Variants in CCDC57 observed in about 807,000 individuals in gnomAD.
CCDC57 encodes the protein coiled-coil domain containing 57.
A neutral mutation model predicts 118.9 loss-of-function variants in CCDC57; 118 were observed. The ratio of observed to expected loss-of-function variants is 0.99; its 90% CI spans 0.86 to 1.16. CCDC57 has a LOEUF of 1.16. CCDC57 is among the 50% of genes most tolerant of loss of function. The pLI is 0.00. For synonymous variants in CCDC57, 527 were observed against 532.9 expected (o/e 0.99, Z 0.15); for missense variants, 1,300 against 1,320.7 (o/e 0.98, Z 0.24).
intron 16 of CCDC57, among the ~76,000 whole-genome samples, chr17:82,151,050 C>T (rs1598946121): frequency 8.9e-6 from 1 of 112,626 alleles, no homozygotes. Flanking sequence ...CACCCAGAAC[C>T]TGACCCGCAC....
At chr17:82,113,747 A>G (rs754186744) in intron 19 of CCDC57, 22 of 688,986 alleles carry the variant, frequency 3.2e-5, no homozygotes, top group Non-Finnish European at 5.6e-5. Context: ...AGCCTGGGTG[A>G]CATAGTGAGA....
chr17:82,151,866 T>G (rs1196850386), intron 15 of CCDC57, 93 bp from the exon 15 acceptor site: 2 of 1,099,908 alleles, frequency 1.8e-6, no homozygotes. Context: ...TCACCTGCTC[T>G]TCCAGGGTGG....
In CCDC57 at chr17:82,202,691, A is replaced by G. The variant is rs561467205; in HGVS notation, c.-8-739T>C. Among the ~76,000 whole-genome samples, 106 of 152,292 alleles carry G rather than the reference A, an allele frequency of 7.0e-4. 1 individual carries two copies. In the South Asian group the frequency reaches 0.012, roughly 18 times the overall value. On this transcript the variant is annotated intron_variant, in intron 2 of 19. Transcript: ENST00000665763. ...CTTGAACCCAGGAAGTGGAGGTTGC[A>G]GTGAGCAGAGATCGCACCATTGCAC...
intron 19 of CCDC57, among the ~76,000 whole-genome samples, chr17:82,102,068 C>T (rs1194959210): frequency 3.9e-5 from 6 of 152,232 alleles, no homozygotes; most frequent in Non-Finnish European, 7.3e-5. Context: ...TCGCCTTGCT[C>T]AGTGGGTCCT....
chr17:82,152,657 C>G (rs950131843), intron 15 of CCDC57, among the ~76,000 whole-genome samples: 3 of 152,246 alleles, frequency 2.0e-5, no homozygotes, highest in Non-Finnish European at 2.9e-5. Context: ...CGACGACCTA[C>G]TTCTCCCGTG....
chr17:82,206,437 C>T (rs530585920), intron 2 of CCDC57, among the ~76,000 whole-genome samples: 181 of 151,750 alleles, frequency 1.2e-3, no homozygotes, highest in East Asian at 4.5e-3. Flanking sequence ...CATTGTAGGT[C>T]ATAAGATCCT....
intron 16 of CCDC57, among the ~76,000 whole-genome samples, chr17:82,139,888 C>A (rs1267364268): frequency 6.6e-6 from 1 of 152,140 alleles, no homozygotes; most frequent in Non-Finnish European, 1.5e-5. Flanking sequence ...CAAGAACGGA[C>A]CTCACAGGAG....
rs970947610 is a variant in CCDC57 at position 82,172,372 on chromosome 17, A to C, written c.1729+266T>G. 6.6e-6 allele frequency among the ~76,000 whole-genome samples: 1 copy of C among 152,210 alleles called. No individual in the cohort carries two copies. The highest frequency in any genetic ancestry group is 6.5e-5 in the Admixed American group (1 of 15,288). On this transcript the variant is annotated intron_variant, in intron 12 of 19. Coordinates refer to ENST00000665763, the Ensembl canonical transcript of CCDC57. The surrounding 1 kb of genome is among the most constrained non-coding windows in gnomAD (Gnocchi z 5.2). ...GCAAGCCAGCCCTGGTCCAGGTCTA[A>C]AACAGGTTTTTAAGTGTGTCAAGCA...
intron 16 of CCDC57, among the ~76,000 whole-genome samples, chr17:82,145,325 T>A (rs1416253849): frequency 1.4e-5 from 2 of 144,948 alleles, no homozygotes; most frequent in Non-Finnish European, 3.0e-5. Flanking sequence ...GGTGGGCAGA[T>A]CACTTGAGGT....
rs755043427 is a variant in CCDC57 at position 82,172,799 on chromosome 17, C to T, written c.1568G>A (p.Arg523Gln). ...CAAGCTCGTGTTCTGCTCTCGGAGC[C>T]GCTGGATCTCACTGGATGGAAAGTC... is the stretch of plus-strand genomic sequence containing the variant. Residue 523 changes from arginine (R) to glutamine (Q), a missense_variant, in exon 12 of 20, where the codon CGG (arginine) becomes CAG (glutamine). By Grantham distance (43) the Arg-to-Gln change is conservative. Transcript: ENST00000665763. The surrounding 1 kb of genome is among the most constrained non-coding windows in gnomAD (Gnocchi z 5.2). The T allele has an allele frequency of 3.6e-5, 58 of 1,613,462 alleles. No individual in the cohort carries two copies. The highest frequency in any genetic ancestry group is 4.3e-5 in the Non-Finnish European group (51 of 1,179,776).
intron 19 of CCDC57, among the ~76,000 whole-genome samples, chr17:82,103,292 G>A (rs1047433211): frequency 3.6e-5 from 4 of 112,466 alleles, no homozygotes; most frequent in African/African-American, 9.7e-5. Flanking sequence ...CTGCAGCCCC[G>A]TTGGGGTCAC....
intron 2 of CCDC57, among the ~76,000 whole-genome samples, chr17:82,205,054 A>ACAG (rs2049452228): frequency 6.6e-6 from 1 of 152,212 alleles, no homozygotes; most frequent in South Asian, 2.1e-4. Context: ...ACTGTCTGGC[A>ACAG]CAGTCTTGGC....
In CCDC57 at chr17:82,194,859, G is replaced by A. The variant is rs568012048; in HGVS notation, c.618+404C>T. 7.9e-4 allele frequency among the ~76,000 whole-genome samples: 120 copies of A among 152,380 alleles called. 1 individual carries two copies. The highest frequency in any genetic ancestry group is 2.7e-3 in the African/African-American group (113 of 41,586). ...CCTTCCTGGGCCTGTTTCCCAGCCT[G>A]TAAGCCACGGGTGGTGACGATGGCT... On this transcript the variant is annotated intron_variant, in intron 5 of 19. Transcript: ENST00000665763.
intron 16 of CCDC57, among the ~76,000 whole-genome samples, chr17:82,139,442 G>A (rs1568227025): frequency 1.3e-5 from 2 of 151,844 alleles, no homozygotes; most frequent in Admixed American, 1.3e-4. Context: ...TGCAACCTCC[G>A]CCTCCTGGGT....
At chr17:82,176,082 G>C (rs2045433841) in intron 11 of CCDC57, among the ~76,000 whole-genome samples, 1 of 152,170 alleles carries the variant, frequency 6.6e-6, no homozygotes, top group Admixed American at 6.5e-5. Flanking sequence ...AACATGTCCT[G>C]GGTCCAGAGT....
At chr17:82,209,201 G>T (rs1211540579) in intron 1 of CCDC57, among the ~76,000 whole-genome samples, 3 of 152,086 alleles carry the variant, frequency 2.0e-5, no homozygotes, top group Non-Finnish European at 4.4e-5. Flanking sequence ...TGGAGAAGAG[G>T]GGCACCACTA....
intron 14 of CCDC57, among the ~76,000 whole-genome samples, chr17:82,158,597 A>C (rs911932863): frequency 1.3e-5 from 2 of 150,146 alleles, no homozygotes; most frequent in Non-Finnish European, 3.0e-5. Context: ...CTGAGGCAGG[A>C]GAATGGCATG....
chr17:82,109,962 G>A (rs569612778), intron 19 of CCDC57, among the ~76,000 whole-genome samples: 3 of 150,886 alleles, frequency 2.0e-5, no homozygotes, highest in South Asian at 2.1e-4. Flanking sequence ...GGCAGAAAAC[G>A]TCATAAGAGG....
At chr17:82,151,976 A>G in intron 15 of CCDC57, 1 of 576,230 alleles carries the variant, frequency 1.7e-6, no homozygotes, top group Non-Finnish European at 3.1e-6. Context: ...CACAAATAGA[A>G]TAAAGGCCCA....
Sources: gnomAD v4.1 joint callset for allele counts (sites outside exome capture counted in the v4.1 genomes callset) on GRCh38, gnomAD v4.1.1 for gene constraint, Gnocchi (gnomAD v3.1) non-coding constraint, MANE v1.5 for transcripts, NCBI Gene and HGNC (gene_info 2026-07-23, HGNC 2026-07-21) for gene names.